MAP7: variants seen among roughly 807,000 people sequenced by gnomAD.
The protein encoded by MAP7 is ensconsin.
MAP7 carries 52 observed loss-of-function variants against 94.8 expected under a neutral mutation model. The ratio of observed to expected loss-of-function variants is 0.55; its 90% CI spans 0.44 to 0.69. The LOEUF is 0.69. MAP7 is among the 30% of genes least tolerant of loss of function. The probability of loss-of-function intolerance (pLI) is 0.00; values close to 1 mark genes in which losing one functional copy is unlikely to be tolerated. For missense variants in MAP7, 940 were observed against 964.6 expected, an observed-to-expected ratio of 0.97 and a Z score of 0.34; for synonymous variants, 350 against 357.0, an observed-to-expected ratio of 0.98 and a Z score of 0.22.
rs956451483 is a variant in MAP7, at chr6:136,354,464, T to C, written c.2015+2228A>G. Reference sequence around the variant, plus strand: ...TATATATAGTAGATATATATAAAAATATATATAGTAGATATATATACATAT... The same window carrying C: ...TATATATAGTAGATATATATAAAAACATATATAGTAGATATATATACATAT... On this transcript the variant is annotated intron_variant, in intron 16 of 17. Coordinates refer to ENST00000354570, the MANE Select transcript of MAP7 (RefSeq NM_003980.6). 8.0e-4 allele frequency among the ~76,000 whole-genome samples: 117 copies of C among 145,922 alleles called. 2 individuals carry two copies. Among genetic ancestry groups the C allele is most frequent in the African/African-American group, 2.7e-3 (109 of 40,212 alleles).
intron 6 of MAP7, among the ~76,000 whole-genome samples, chr6:136,379,323 G>C (rs1315953901): frequency 6.6e-6 from 1 of 151,882 alleles, no homozygotes; most frequent in African/African-American, 2.4e-5. Context: ...TCAGGCTCTG[G>C]TGAATTTAAG....
At chr6:136,454,272 G>GATCGATCTATCT (rs1554258958) in intron 1 of MAP7, among the ~76,000 whole-genome samples, 40 of 141,472 alleles carry the variant, frequency 2.8e-4, no homozygotes, top group East Asian at 1.1e-3. Flanking sequence ...CTACCTAAAT[G>GATCGATCTATCT]ATCTATCTAT....
chr6:136,396,455 G>A lies in MAP7; in HGVS notation c.245-6938C>T, dbSNP rs757228250. 5.9e-5 allele frequency among the ~76,000 whole-genome samples: 9 copies of A among 152,126 alleles called. No individual in the cohort carries two copies. In the South Asian group the frequency reaches 8.3e-4, roughly 14 times the overall value. On this transcript the variant is annotated intron_variant, in intron 3 of 17. Transcript: ENST00000354570. ...TTATCCATACTTAGAGATTTTTGGC[G>A]AAGCTTTTAGGGGTTTTTATATATA...
chr6:136,345,795 G>T lies in MAP7; in HGVS notation c.2239+61C>A, dbSNP rs761573624. ...ATCATACTGTAGAAGGCAGCAGTTCGTGTCCTCCTGGGTGTCAGATATTTC... is the reference window on the plus strand; with the variant it reads ...ATCATACTGTAGAAGGCAGCAGTTCTTGTCCTCCTGGGTGTCAGATATTTC... On this transcript the variant is annotated intron_variant, in intron 17 of 17. Coordinates refer to ENST00000354570, the MANE Select transcript of MAP7 (RefSeq NM_003980.6). 3.0e-6 allele frequency: 4 copies of T among 1,317,962 alleles called. No individual in the cohort carries two copies. The African/African-American group carries it at 4.3e-5, about 14-fold the overall frequency. 81.6% of individuals were successfully genotyped at this position (1,317,962 alleles called of 1,614,324 possible).
intron 1 of MAP7, among the ~76,000 whole-genome samples, chr6:136,518,028 CTT>C (rs1825363723): frequency 6.6e-6 from 1 of 152,152 alleles, no homozygotes; most frequent in African/African-American, 2.4e-5. Context: ...CAAGACACCT[CTT>C]GGTCATGCAC....
intron 8 of MAP7, among the ~76,000 whole-genome samples, chr6:136,369,652 C>T (rs1795121016): frequency 6.6e-6 from 1 of 151,780 alleles, no homozygotes; most frequent in Admixed American, 6.6e-5. Context: ...CAAAAGCTAA[C>T]ACCACTCAAT....
chr6:136,395,214 G>A (rs1038898418), intron 3 of MAP7, among the ~76,000 whole-genome samples: 5 of 150,844 alleles, frequency 3.3e-5, no homozygotes, highest in East Asian at 2.0e-4. Flanking sequence ...CTTTCTCTGC[G>A]TCTTCATCAG....
chr6:136,384,059 G>A (rs1778512539), intron 5 of MAP7, among the ~76,000 whole-genome samples: 1 of 152,210 alleles, frequency 6.6e-6, no homozygotes, highest in Non-Finnish European at 1.5e-5. Flanking sequence ...GAAGGCCAGT[G>A]AAGGGCTTCT....
chr6:136,488,508 G>A (rs1002396045), intron 1 of MAP7, among the ~76,000 whole-genome samples: 3 of 149,170 alleles, frequency 2.0e-5, no homozygotes, highest in Admixed American at 6.7e-5. Context: ...GTGGTGGTGC[G>A]ATCTTGGCTC....
chr6:136,546,010 C>A (rs1053663654), intron 1 of MAP7, among the ~76,000 whole-genome samples: 3 of 152,020 alleles, frequency 2.0e-5, no homozygotes, highest in African/African-American at 7.3e-5. Flanking sequence ...TATTCTTATT[C>A]TTTCTAACTT....
chr6:136,369,585 T>C (rs917673602), intron 8 of MAP7, among the ~76,000 whole-genome samples: 1 of 142,498 alleles, frequency 7.0e-6, no homozygotes, highest in Non-Finnish European at 1.6e-5. Context: ...AAAAAAAAGA[T>C]ATATAGACCA....
intron 1 of MAP7, among the ~76,000 whole-genome samples, chr6:136,519,013 G>T (rs1391328313): frequency 6.6e-6 from 1 of 152,082 alleles, no homozygotes; most frequent in African/African-American, 2.4e-5. Flanking sequence ...GTTATACACA[G>T]GTTAAATCAT....
chr6:136,508,538 C>T (rs907674646), intron 1 of MAP7, among the ~76,000 whole-genome samples: 1 of 152,162 alleles, frequency 6.6e-6, no homozygotes, highest in Non-Finnish European at 1.5e-5. Flanking sequence ...GTGAGCCTAA[C>T]TGTCCCAAGC....
At chr6:136,376,923 C>T (rs1776332066) in intron 7 of MAP7, among the ~76,000 whole-genome samples, 1 of 152,094 alleles carries the variant, frequency 6.6e-6, no homozygotes, top group Admixed American at 6.5e-5. Context: ...TTTTAAAGTG[C>T]CAAAGATGAG....
intron 8 of MAP7, among the ~76,000 whole-genome samples, chr6:136,367,904 C>T (rs1794727961): frequency 6.6e-6 from 1 of 151,372 alleles, no homozygotes; most frequent in African/African-American, 2.4e-5. Context: ...TTTCTCAAAA[C>T]ATTTTGATTT....
intron 5 of MAP7, among the ~76,000 whole-genome samples, chr6:136,385,624 T>C (rs888349038): frequency 6.6e-6 from 1 of 152,204 alleles, no homozygotes; most frequent in African/African-American, 2.4e-5. Context: ...GTATCATTAG[T>C]AGTAAAGCAT....
chr6:136,529,312 G>T (rs187284993), intron 1 of MAP7, among the ~76,000 whole-genome samples: 518 of 152,088 alleles, frequency 3.4e-3, no homozygotes, highest in African/African-American at 9.8e-3. Context: ...TAGAGATGGG[G>T]TTTCACTATG....
chr6:136,417,789 G>C (rs1789991552), intron 2 of MAP7, among the ~76,000 whole-genome samples: 1 of 152,168 alleles, frequency 6.6e-6, no homozygotes, highest in Non-Finnish European at 1.5e-5. Context: ...TGTGGCATCA[G>C]AGAAGGGCTG....
At chr6:136,546,860 T>C (rs1336147179) in intron 1 of MAP7, among the ~76,000 whole-genome samples, 2 of 152,194 alleles carry the variant, frequency 1.3e-5, no homozygotes, top group African/African-American at 4.8e-5. Context: ...TTAGAGAAAA[T>C]GCCAGTGTAA....
Sources: allele counts gnomAD v4.1 joint callset (sites outside exome capture counted in the v4.1 genomes callset), GRCh38; gene constraint gnomAD v4.1.1; transcripts MANE v1.5; gene names NCBI Gene and HGNC (gene_info 2026-07-23, HGNC 2026-07-21).